COX7B2: variants seen among roughly 807,000 people sequenced by gnomAD.
COX7B2 encodes the protein cytochrome c oxidase subunit 7B2, also known as cytochrome c oxidase subunit 7B2, mitochondrial.
For missense variants in COX7B2, 109 were observed against 95.9 expected (o/e 1.14, Z -0.57); for synonymous variants, 37 against 32.1 (o/e 1.15, Z -0.51).
rs1033452097 is a variant in COX7B2, at chr4:46,763,052, A to T, written c.-49-27811T>A. Reference sequence around the variant, plus strand: ...AATATAATATATATTATATATTATAATATGTAATATATATTATATAATATA... The same window carrying T: ...AATATAATATATATTATATATTATATTATGTAATATATATTATATAATATA... On this transcript the variant is annotated intron_variant, in intron 2 of 2. Transcript: ENST00000355591. Among the ~76,000 whole-genome samples, 5 of 120,768 alleles carry T rather than the reference A, an allele frequency of 4.1e-5. No homozygotes were observed. In the East Asian group the frequency reaches 9.5e-4, roughly 23 times the overall value. 79.2% of individuals were successfully genotyped at this position (120,768 alleles called of 152,430 possible).
At chr4:46,895,635 A>T (rs1284493506) in intron 1 of COX7B2, among the ~76,000 whole-genome samples, 6 of 152,122 alleles carry the variant, frequency 3.9e-5, no homozygotes. Flanking sequence ...ATACCCCTAA[A>T]CCTAAAATAA....
At chr4:46,887,527 C>T (rs149098909) in intron 1 of COX7B2, among the ~76,000 whole-genome samples, 2,903 of 151,886 alleles carry the variant, frequency 0.019, 43 homozygotes, top group Middle Eastern at 0.058. Flanking sequence ...CTGGCTAACA[C>T]GGTGAAGCCC....
intron 2 of COX7B2, among the ~76,000 whole-genome samples, chr4:46,740,941 G>A (rs1030320279): frequency 3.9e-5 from 6 of 152,048 alleles, no homozygotes; most frequent in Non-Finnish European, 8.8e-5. Context: ...GAGTTTGGGT[G>A]ATCTAGGCAC....
chr4:46,875,209 A>G (rs2109833089), intron 1 of COX7B2, among the ~76,000 whole-genome samples: 1 of 152,298 alleles, frequency 6.6e-6, no homozygotes, highest in East Asian at 1.9e-4. Context: ...TTTTTTGGAA[A>G]TGTTATGGAA....
chr4:46,874,345 T>C (rs930567820), intron 1 of COX7B2, among the ~76,000 whole-genome samples: 1 of 152,246 alleles, frequency 6.6e-6, no homozygotes, highest in East Asian at 1.9e-4. Flanking sequence ...GAAGTGTTTT[T>C]AGTCGCAGTG....
At chr4:46,775,066 A>G (rs1717078246) in intron 2 of COX7B2, among the ~76,000 whole-genome samples, 1 of 152,128 alleles carries the variant, frequency 6.6e-6, no homozygotes, top group Non-Finnish European at 1.5e-5. Context: ...TGAGACCTTA[A>G]CTACATAATT....
chr4:46,845,232 T>A (rs1023169059), intron 1 of COX7B2, among the ~76,000 whole-genome samples: 16 of 152,014 alleles, frequency 1.1e-4, no homozygotes. Flanking sequence ...CTACCTGTTT[T>A]CCAATAGTGG....
At chr4:46,843,699 A>C (rs942525478) in intron 2 of COX7B2, among the ~76,000 whole-genome samples, 2 of 152,058 alleles carry the variant, frequency 1.3e-5, no homozygotes, top group African/African-American at 4.8e-5. Flanking sequence ...ATTAAATTTC[A>C]AACAATTTAT....
In COX7B2 at chr4:46,840,838, T is replaced by C. The variant is rs1024259136; in HGVS notation, c.-50+4122A>G. ...ACCTAATTCAGGCTGGGTGTATGCT[T>C]GTGCAGTGGGAAGTTAGTCTGGGAA... On this transcript the variant is annotated intron_variant, in intron 2 of 2. Coordinates refer to ENST00000355591, the MANE Select transcript of COX7B2 (RefSeq NM_130902.3). 5.9e-5 allele frequency among the ~76,000 whole-genome samples: 9 copies of C among 152,090 alleles called. No individual in the cohort carries two copies. In the East Asian group the frequency reaches 1.7e-3, roughly 29 times the overall value.
At chr4:46,808,529 ATTG>A (rs1474368134) in intron 2 of COX7B2, among the ~76,000 whole-genome samples, 1 of 151,140 alleles carries the variant, frequency 6.6e-6, no homozygotes, top group Non-Finnish European at 1.5e-5. Flanking sequence ...TTTGTTTCTT[ATTG>A]TTTTGTTGTC....
chr4:46,856,455 T>C (rs183521443), intron 1 of COX7B2, among the ~76,000 whole-genome samples: 10 of 152,278 alleles, frequency 6.6e-5, no homozygotes, highest in African/African-American at 2.4e-4. Context: ...ATTCAGATTA[T>C]TTTACATGGA....
chr4:46,789,990 T>C (rs1717952153), intron 2 of COX7B2, among the ~76,000 whole-genome samples: 1 of 151,434 alleles, frequency 6.6e-6, no homozygotes, highest in African/African-American at 2.4e-5. Flanking sequence ...TGTCAAAAAA[T>C]TGTGTAGGTT....
chr4:46,778,460 G>A (rs948705131), intron 2 of COX7B2, among the ~76,000 whole-genome samples: 2 of 151,966 alleles, frequency 1.3e-5, no homozygotes, highest in Non-Finnish European at 2.9e-5. Context: ...ATGCATGCAG[G>A]GTTTCAGTTT....
At chr4:46,737,550 T>C (rs1471055997) in intron 2 of COX7B2, among the ~76,000 whole-genome samples, 1 of 152,128 alleles carries the variant, frequency 6.6e-6, no homozygotes, top group Non-Finnish European at 1.5e-5. Context: ...ATTGGTATCC[T>C]CATAAGAAGC....
intron 2 of COX7B2, among the ~76,000 whole-genome samples, chr4:46,841,335 C>G (rs1381450404): frequency 1.6e-4 from 23 of 139,792 alleles, no homozygotes; most frequent in African/African-American, 2.1e-4. Flanking sequence ...CAAATGTGCT[C>G]TGTGTGTGTG....
chr4:46,877,650 A>C (rs1368395970), intron 1 of COX7B2, among the ~76,000 whole-genome samples: 1 of 152,208 alleles, frequency 6.6e-6, no homozygotes, highest in Non-Finnish European at 1.5e-5. Context: ...TAATCAAGGA[A>C]GTACAAATCA....
At chr4:46,834,749 G>T (rs563364885) in intron 2 of COX7B2, among the ~76,000 whole-genome samples, 2 of 151,764 alleles carry the variant, frequency 1.3e-5, no homozygotes, top group Non-Finnish European at 2.9e-5. Flanking sequence ...ATTACTAAAA[G>T]AAATCATGGA....
intron 1 of COX7B2, among the ~76,000 whole-genome samples, chr4:46,866,914 T>C (rs904716383): frequency 2.0e-5 from 3 of 152,186 alleles, no homozygotes; most frequent in Non-Finnish European, 2.9e-5. Flanking sequence ...TACATGGCTA[T>C]ATAGATACAA....
intron 2 of COX7B2, among the ~76,000 whole-genome samples, chr4:46,768,073 A>G (rs10050154): frequency 0.34 from 51,043 of 152,168 alleles, 8,780 homozygotes; most frequent in South Asian, 0.47. Context: ...GTGCTACAGC[A>G]TGCTCTTTAA....
Sources: gnomAD v4.1 joint callset for allele counts (sites outside exome capture counted in the v4.1 genomes callset) on GRCh38, gnomAD v4.1.1 for gene constraint, MANE v1.5 for transcripts, NCBI Gene and HGNC (gene_info 2026-07-23, HGNC 2026-07-21) for gene names.